TMEM132C: variants seen among roughly 807,000 people sequenced by gnomAD.
TMEM132C encodes transmembrane protein 132C.
A neutral mutation model predicts 61.4 loss-of-function variants in TMEM132C; 29 were observed. The ratio of observed to expected loss-of-function variants is 0.47; its 90% CI spans 0.35 to 0.64. The LOEUF (loss-of-function observed/expected upper bound fraction) is 0.64, where lower values mean the gene tolerates loss of function less well. TMEM132C is among the 30% of genes least tolerant of loss of function. The probability of loss-of-function intolerance (pLI) is 0.00; values close to 1 mark genes in which losing one functional copy is unlikely to be tolerated. For synonymous variants in TMEM132C, 656 were observed against 633.1 expected, an observed-to-expected ratio of 1.04 and a Z score of -0.54; for missense variants, 1,408 against 1,476.9, an observed-to-expected ratio of 0.95 and a Z score of 0.76.
At chr12:128,457,544 C>G (rs368326284) in intron 2 of TMEM132C, among the ~76,000 whole-genome samples, 10 of 151,076 alleles carry the variant, frequency 6.6e-5, no homozygotes, top group African/African-American at 2.4e-4. Flanking sequence ...CCACTGCACT[C>G]CAGCCTGGGT....
chr12:128,647,684 T>G (rs1162602266), intron 4 of TMEM132C, among the ~76,000 whole-genome samples: 1 of 151,288 alleles, frequency 6.6e-6, no homozygotes, highest in South Asian at 2.1e-4. Flanking sequence ...CCATCAGCGT[T>G]GGATGTGAGT....
At chr12:128,446,084 A>G (rs1869971319) in intron 2 of TMEM132C, among the ~76,000 whole-genome samples, 2 of 152,202 alleles carry the variant, frequency 1.3e-5, no homozygotes, top group African/African-American at 2.4e-5. Context: ...GTATTTGGAC[A>G]TGTATCTTCA....
Position 128,583,644 on chromosome 12 carries a change from G to T in TMEM132C, c.1122-32508G>T, listed in dbSNP as rs142740470. Among the ~76,000 whole-genome samples, 557 of 152,286 alleles carry T rather than the reference G, an allele frequency of 3.7e-3. 5 individuals are homozygous for T. The highest frequency in any genetic ancestry group is 0.013 in the African/African-American group (536 of 41,556). On this transcript the variant is annotated intron_variant, in intron 3 of 8. Coordinates refer to ENST00000435159, the MANE Select transcript of TMEM132C (RefSeq NM_001136103.3). ...CAGCTGGGAATGGCTGGACCCTAGA[G>T]GACAGGAGGGGAACTACTGCTCCTT... is the stretch of plus-strand genomic sequence containing the variant.
At chr12:128,605,013 TAATAGATG>T (rs1399137861) in intron 3 of TMEM132C, among the ~76,000 whole-genome samples, 1 of 146,178 alleles carries the variant, frequency 6.8e-6, no homozygotes. Context: ...GACACATAGA[TAATAGATG>T]AATGGATGGA....
At chr12:128,274,287 A>G (rs1870614333) in intron 1 of TMEM132C, among the ~76,000 whole-genome samples, 1 of 152,210 alleles carries the variant, frequency 6.6e-6, no homozygotes, top group African/African-American at 2.4e-5. Context: ...AAAGTAACCC[A>G]AAGACTTAAT....
intron 2 of TMEM132C, among the ~76,000 whole-genome samples, chr12:128,509,299 G>T (rs556168444): frequency 1.3e-5 from 2 of 152,146 alleles, no homozygotes; most frequent in African/African-American, 4.8e-5. Context: ...GGGAAAGAGC[G>T]GGCGGGAGGG....
intron 2 of TMEM132C, among the ~76,000 whole-genome samples, chr12:128,442,626 G>A (rs1479244450): frequency 6.6e-6 from 1 of 151,864 alleles, no homozygotes; most frequent in Non-Finnish European, 1.5e-5. Flanking sequence ...CAAAAGAACG[G>A]TGACAAATGC....
chr12:128,498,281 C>G (rs1872036859), intron 2 of TMEM132C, among the ~76,000 whole-genome samples: 1 of 151,940 alleles, frequency 6.6e-6, no homozygotes. Flanking sequence ...AGGTTCCAGC[C>G]AAAACATCAG....
At chr12:128,324,347 G>C (rs1402774801) in intron 1 of TMEM132C, among the ~76,000 whole-genome samples, 1 of 152,200 alleles carries the variant, frequency 6.6e-6, no homozygotes, top group Non-Finnish European at 1.5e-5. Flanking sequence ...AGGAGAGGTT[G>C]ATCAGCCATA....
intron 3 of TMEM132C, among the ~76,000 whole-genome samples, chr12:128,545,721 AT>A (rs1205482554): frequency 6.6e-6 from 1 of 152,082 alleles, no homozygotes; most frequent in African/African-American, 2.4e-5. Context: ...AATATGGAAC[AT>A]TTTTTTCATA....
At chr12:128,552,571 C>G (rs548983552) in intron 3 of TMEM132C, among the ~76,000 whole-genome samples, 60 of 152,286 alleles carry the variant, frequency 3.9e-4, no homozygotes, top group Non-Finnish European at 7.5e-4. Flanking sequence ...AAATGCCTAT[C>G]AGTTGCACAA....
intron 2 of TMEM132C, among the ~76,000 whole-genome samples, chr12:128,508,108 G>A (rs1872438759): frequency 6.6e-6 from 1 of 152,138 alleles, no homozygotes; most frequent in Non-Finnish European, 1.5e-5. Context: ...CCTGAGACTG[G>A]GAAGAAAAAG....
intron 8 of TMEM132C, among the ~76,000 whole-genome samples, chr12:128,701,199 C>T (rs1218450104): frequency 6.6e-6 from 1 of 151,248 alleles, no homozygotes; most frequent in African/African-American, 2.4e-5. Context: ...TAGGCACAAC[C>T]ACATGGATTC....
intron 1 of TMEM132C, among the ~76,000 whole-genome samples, chr12:128,345,242 C>A (rs1365063016): frequency 6.6e-6 from 1 of 152,106 alleles, no homozygotes; most frequent in Non-Finnish European, 1.5e-5. Context: ...GATCTCATTC[C>A]TTTTTATGGC....
At chr12:128,599,708 T>A (rs1396835861) in intron 3 of TMEM132C, among the ~76,000 whole-genome samples, 1 of 152,160 alleles carries the variant, frequency 6.6e-6, no homozygotes, top group African/African-American at 2.4e-5. Context: ...GTTCACCAAG[T>A]GATTCTATCA....
At chr12:128,312,925 T>C (rs916236180) in intron 1 of TMEM132C, among the ~76,000 whole-genome samples, 14 of 152,224 alleles carry the variant, frequency 9.2e-5, no homozygotes, top group African/African-American at 3.4e-4. Context: ...AATGCTTTCT[T>C]GCCTTGTTTT....
At chr12:128,433,605 A>G (rs750429751) in intron 2 of TMEM132C, among the ~76,000 whole-genome samples, 11 of 152,242 alleles carry the variant, frequency 7.2e-5, no homozygotes, top group Non-Finnish European at 1.3e-4. Flanking sequence ...ACTGGAGGTA[A>G]AATGAAAAAG....
intron 1 of TMEM132C, among the ~76,000 whole-genome samples, chr12:128,311,314 C>T (rs2135926971): frequency 6.6e-6 from 1 of 152,324 alleles, no homozygotes; most frequent in South Asian, 2.1e-4. Context: ...GCAGCCTCGC[C>T]TCACTTCTGT....
chr12:128,293,166 C>A (rs143965484), intron 1 of TMEM132C, among the ~76,000 whole-genome samples: 1 of 152,126 alleles, frequency 6.6e-6, no homozygotes, highest in Non-Finnish European at 1.5e-5. Context: ...AAACTGGGTC[C>A]AAACTCCCTC....
Sources: allele counts gnomAD v4.1 joint callset (sites outside exome capture counted in the v4.1 genomes callset), GRCh38; gene constraint gnomAD v4.1.1; transcripts MANE v1.5; gene names NCBI Gene and HGNC (gene_info 2026-07-23, HGNC 2026-07-21).